SEC11A: variants seen among roughly 807,000 people sequenced by gnomAD.
SEC11A encodes the protein signal peptidase complex catalytic subunit SEC11A.
SEC11A carries 14 observed loss-of-function variants against 25.6 expected under a neutral mutation model. The ratio of observed to expected loss-of-function variants is 0.55; its 90% confidence interval spans 0.36 to 0.85. The LOEUF (loss-of-function observed/expected upper bound fraction) is 0.85, where lower values mean the gene tolerates loss of function less well. Ranked by LOEUF, SEC11A falls within the 40% of genes least tolerant of loss-of-function variation. The pLI is 0.01. For missense variants in SEC11A, 153 were observed against 222.9 expected (o/e 0.69, Z 2.00); for synonymous variants, 83 against 76.4 (o/e 1.09, Z -0.45).
intron 1 of SEC11A, among the ~76,000 whole-genome samples, chr15:84,708,325 A>G (rs1274726721): frequency 6.6e-6 from 1 of 151,908 alleles, no homozygotes; most frequent in Admixed American, 6.6e-5. Flanking sequence ...ATATTTCTAC[A>G]TTGAAACTTG....
chr15:84,693,203 G>GA (rs953362851), intron 1 of SEC11A, among the ~76,000 whole-genome samples: 1 of 151,550 alleles, frequency 6.6e-6, no homozygotes, highest in Non-Finnish European at 1.5e-5. Flanking sequence ...CAATGTCATG[G>GA]AAAAAAAGGT....
At chr15:84,672,212 C>G in intron 4 of SEC11A, 1 of 161,100 alleles carries the variant, frequency 6.2e-6, no homozygotes. Context: ...TTTAAGAACT[C>G]GCCTCTGCCT....
At chr15:84,698,860 T>G (rs1274708466) in intron 1 of SEC11A, among the ~76,000 whole-genome samples, 2 of 151,802 alleles carry the variant, frequency 1.3e-5, no homozygotes. Flanking sequence ...ATAGAAGTAT[T>G]CCAAAATAAA....
intron 3 of SEC11A, among the ~76,000 whole-genome samples, chr15:84,685,070 G>C (rs1897379682): frequency 6.6e-6 from 1 of 152,092 alleles, no homozygotes; most frequent in Non-Finnish European, 1.5e-5. Context: ...CAAGTTGAAG[G>C]TATCTCAAGA....
At chr15:84,709,070 G>A (rs997034247) in intron 1 of SEC11A, among the ~76,000 whole-genome samples, 1 of 152,002 alleles carries the variant, frequency 6.6e-6, no homozygotes, top group Non-Finnish European at 1.5e-5. Flanking sequence ...CAGGGATCTA[G>A]TCACATCCTG....
At chr15:84,679,689 T>A (rs761967707) in intron 4 of SEC11A, among the ~76,000 whole-genome samples, 1 of 152,236 alleles carries the variant, frequency 6.6e-6, no homozygotes, top group Non-Finnish European at 1.5e-5. Flanking sequence ...AGGTGGACTA[T>A]GCAGCCAGCC....
At chr15:84,687,957 C>T (rs1238724104) in intron 2 of SEC11A, among the ~76,000 whole-genome samples, 183 bp from the exon 3 acceptor site, 3 of 152,124 alleles carry the variant, frequency 2.0e-5, no homozygotes, top group Admixed American at 2.0e-4. Flanking sequence ...AAAGTTACGC[C>T]AAAGGATTTT....
chr15:84,673,133 G>C, intron 4 of SEC11A: 1 of 166,880 alleles, frequency 6.0e-6, no homozygotes. Flanking sequence ...GGAGGGAGGT[G>C]GGGGTCAGCC....
intron 1 of SEC11A, among the ~76,000 whole-genome samples, chr15:84,694,322 T>A (rs1897695786): frequency 6.6e-6 from 1 of 151,316 alleles, no homozygotes; most frequent in Non-Finnish European, 1.5e-5. Flanking sequence ...ACCACTGCAC[T>A]CCAGCCTGGG....
intron 1 of SEC11A, among the ~76,000 whole-genome samples, chr15:84,696,702 A>G (rs1897777955): frequency 6.6e-6 from 1 of 152,224 alleles, no homozygotes; most frequent in Non-Finnish European, 1.5e-5. Flanking sequence ...TATCAAACAC[A>G]TTAAGATTTT....
At chr15:84,696,184 C>G (rs1897763114) in intron 1 of SEC11A, among the ~76,000 whole-genome samples, 1 of 152,162 alleles carries the variant, frequency 6.6e-6, no homozygotes, top group Non-Finnish European at 1.5e-5. Context: ...GGTAAGGAAA[C>G]TGAGGCACAG....
chr15:84,703,460 G>A (rs528862250), intron 1 of SEC11A, among the ~76,000 whole-genome samples: 10 of 152,178 alleles, frequency 6.6e-5, no homozygotes, highest in Non-Finnish European at 1.2e-4. Flanking sequence ...ACTGCCTCAT[G>A]AGGAGCTCCC....
At chr15:84,697,677 C>G (rs1029415262) in intron 1 of SEC11A, among the ~76,000 whole-genome samples, 2 of 152,094 alleles carry the variant, frequency 1.3e-5, no homozygotes, top group African/African-American at 4.8e-5. Flanking sequence ...AACATATTGC[C>G]TCCCTAGCCC....
intron 4 of SEC11A, chr15:84,672,669 C>G (rs1173340931): frequency 5.2e-6 from 1 of 194,008 alleles, no homozygotes; most frequent in South Asian, 6.4e-5. Flanking sequence ...AGATTGCAGC[C>G]TCTGCCCGGC....
intron 1 of SEC11A, among the ~76,000 whole-genome samples, chr15:84,715,246 G>A (rs937370484): frequency 7.9e-5 from 12 of 152,076 alleles, no homozygotes; most frequent in Non-Finnish European, 1.5e-5. Context: ...GCAAAACTAG[G>A]CTCTACAGAC....
At chr15:84,692,358 C>A (rs1897637090) in intron 1 of SEC11A, among the ~76,000 whole-genome samples, 1 of 152,030 alleles carries the variant, frequency 6.6e-6, no homozygotes, top group Non-Finnish European at 1.5e-5. Context: ...CTATACTTAT[C>A]CCTTGATAAT....
At position 84,709,183 on chromosome 15, in the gene SEC11A, A is replaced by G. The variant is rs767460406; in HGVS notation, c.51+6842T>C. ...TTTGGCATAACATACTTATTTTATT[A>G]GTGAGTAAATATCTTTTTTTTTTGT... On this transcript the variant is annotated intron_variant, in intron 1 of 5. Transcript: ENST00000268220. Among the ~76,000 whole-genome samples the G allele has an allele frequency of 2.3e-4, 35 of 152,016 alleles. 1 individual carries two copies. Among genetic ancestry groups the G allele is most frequent in the Non-Finnish European group, 4.9e-4 (33 of 68,000 alleles).
At chr15:84,676,117 T>C (rs1484340588) in intron 4 of SEC11A, among the ~76,000 whole-genome samples, 1 of 152,248 alleles carries the variant, frequency 6.6e-6, no homozygotes. Context: ...TGAAACCCAC[T>C]GAATTGTACT....
rs914643152 is a variant in SEC11A, at chr15:84,699,800, A to C, written c.52-8156T>G. 2.6e-5 allele frequency among the ~76,000 whole-genome samples: 4 copies of C among 151,974 alleles called. 1 individual carries two copies. Among genetic ancestry groups the C allele is most frequent in the African/African-American group, 9.7e-5 (4 of 41,220 alleles). ...AAAACAAAGACACACACACACAAAA[A>C]AAAGAACTGGGAGTTCAGGGAGGCA... On this transcript the variant is annotated intron_variant, in intron 1 of 5. Transcript: ENST00000268220.
Sources: allele counts gnomAD v4.1 joint callset (sites outside exome capture counted in the v4.1 genomes callset), GRCh38; gene constraint gnomAD v4.1.1; transcripts MANE v1.5; gene names NCBI Gene and HGNC (gene_info 2026-07-23, HGNC 2026-07-21).